STK3: variants seen among roughly 807,000 people sequenced by gnomAD.
STK3 encodes serine/threonine-protein kinase 3.
STK3 carries 41 observed loss-of-function variants against 58.0 expected under a neutral mutation model. That is an observed-to-expected ratio of 0.71 (90% CI 0.55 to 0.92). The LOEUF is 0.92. STK3 is among the 40% of genes least tolerant of loss of function. The probability of loss-of-function intolerance (pLI) is 0.00; values close to 1 mark genes in which losing one functional copy is unlikely to be tolerated. For synonymous variants in STK3, 170 were observed against 191.0 expected (o/e 0.89, Z 0.91); for missense variants, 479 against 602.7 (o/e 0.79, Z 2.15).
rs372834465 is a variant in STK3, at chr8:98,800,872, A to T, written c.26+24643T>A. Among the ~76,000 whole-genome samples the T allele has an allele frequency of 2.0e-5, 3 of 151,980 alleles. No individual in the cohort carries two copies. The highest frequency in any genetic ancestry group is 4.4e-5 in the Non-Finnish European group (3 of 67,950). Reference sequence around the variant, plus strand: ...AGCCCCCCATGCCAGAGCCCCCCCCACCAAGGTGGGCTCCCGTGCAGCCGG... The same window carrying T: ...AGCCCCCCATGCCAGAGCCCCCCCCTCCAAGGTGGGCTCCCGTGCAGCCGG... On this transcript the variant is annotated intron_variant, in intron 1 of 10. Transcript: ENST00000419617. The surrounding 1 kb of genome is among the most constrained non-coding windows in gnomAD (Gnocchi z 4.8).
chr8:98,825,529 C>T lies in STK3; in HGVS notation c.12G>A (p.Pro4=). MEQ[P]PAPKSKLKKL... ...CGATTCGTTACCTCTTAGGCGCCGG[C>T]GGCTGCTCCATGGCGGCCGGGGACA... Residue 4 remains proline, a synonymous_variant, in exon 1 of 11, where the codon CCG becomes CCA. Transcript: ENST00000419617. 11 of 1,456,308 alleles carry T rather than the reference C, an allele frequency of 7.6e-6. No individual in the cohort carries two copies. The highest frequency in any genetic ancestry group is 2.5e-5 in the Admixed American group (1 of 39,330). The allele number at this position is 1,456,308 out of a possible 1,614,324, so 90.2% of individuals were successfully genotyped here.
chr8:98,941,760 G>C (rs1486286689), intron 1 of STK3, among the ~76,000 whole-genome samples: 1 of 152,242 alleles, frequency 6.6e-6, no homozygotes, highest in Non-Finnish European at 1.5e-5. Flanking sequence ...CTCCCGGGGC[G>C]TAAACTTGCA....
the STK3 span, among the ~76,000 whole-genome samples, chr8:98,347,542 A>C: frequency 2.6e-5 from 4 of 151,782 alleles, no homozygotes; most frequent in African/African-American, 7.3e-5. Flanking sequence ...ACCAAAAAAA[A>C]CCACAGCGTA....
rs972897313 is a variant in STK3 at position 98,800,672 on chromosome 8, C to A, written c.26+24843G>T. The stretch of plus-strand genomic sequence containing the variant: ...GGGTGGGTGTGGGCTTGATGGGCCC[C>A]GCACTCAGAGTGGCCAGCTGATGCC... On this transcript the variant is annotated intron_variant, in intron 1 of 10. Transcript: ENST00000419617. This position sits in a 1 kb window ranked among gnomAD's most constrained non-coding sequence, Gnocchi z 4.8. 6.6e-6 allele frequency among the ~76,000 whole-genome samples: 1 copy of A among 152,192 alleles called. No homozygotes were observed. The highest frequency in any genetic ancestry group is 2.4e-5 in the African/African-American group (1 of 41,450).
At chr8:98,546,806 A>G (rs1025790064) in intron 9 of STK3, among the ~76,000 whole-genome samples, 8 of 152,148 alleles carry the variant, frequency 5.3e-5, no homozygotes, top group African/African-American at 1.9e-4. Context: ...TAGAAAATTC[A>G]TACTCCACCC....
downstream of STK3, among the ~76,000 whole-genome samples, chr8:98,366,812 C>A (rs1817569354): frequency 6.6e-6 from 1 of 152,178 alleles, no homozygotes; most frequent in South Asian, 2.1e-4. Flanking sequence ...CAGTTTTGCC[C>A]CACACACGTC....
chr8:98,760,080 G>C (rs1030579072), intron 3 of STK3, among the ~76,000 whole-genome samples: 6 of 151,480 alleles, frequency 4.0e-5, no homozygotes, highest in African/African-American at 1.5e-4. Flanking sequence ...CATGCAGTTA[G>C]CTGAATCTGT....
intron 6 of STK3, among the ~76,000 whole-genome samples, chr8:98,619,444 C>G (rs1277338402): frequency 2.0e-5 from 3 of 148,338 alleles, no homozygotes; most frequent in Non-Finnish European, 4.5e-5. Context: ...GCAATGGCAA[C>G]AAAAGCCAAA....
intron 1 of STK3, among the ~76,000 whole-genome samples, chr8:98,928,796 G>T (rs979971210): frequency 6.6e-6 from 1 of 152,100 alleles, no homozygotes; most frequent in Non-Finnish European, 1.5e-5. Flanking sequence ...TCCTCACTTG[G>T]AAATAATTCC....
intron 6 of STK3, among the ~76,000 whole-genome samples, chr8:98,691,056 A>G (rs991192610): frequency 1.3e-5 from 2 of 152,190 alleles, no homozygotes; most frequent in Admixed American, 6.5e-5. Flanking sequence ...TAGGAACTCT[A>G]AAAGGAAGGA....
chr8:98,598,598 T>C (rs1816030477), intron 6 of STK3: 1 of 985,416 alleles, frequency 1.0e-6, no homozygotes, highest in Non-Finnish European at 1.2e-6. Flanking sequence ...TAAGAATCTC[T>C]AGGTTTTATA....
chr8:98,657,017 C>T (rs1014694651), intron 6 of STK3, among the ~76,000 whole-genome samples: 2 of 151,898 alleles, frequency 1.3e-5, no homozygotes, highest in African/African-American at 4.8e-5. Flanking sequence ...AAACTCCCTG[C>T]CTTTAAAGAA....
chr8:98,708,887 A>C lies in STK3; in HGVS notation c.352-1576T>G, dbSNP rs113363707. Among the ~76,000 whole-genome samples the C allele has an allele frequency of 6.2e-4, 94 of 151,516 alleles. 1 individual carries two copies. The South Asian group carries it at 8.2e-3, about 13-fold the overall frequency. ...AATAAGCTCCTTTCAACCATACCAG[A>C]ATTTATACTGATCAGGTGACTCTTG... On this transcript the variant is annotated intron_variant, in intron 4 of 10. Coordinates refer to ENST00000419617, the MANE Select transcript of STK3 (RefSeq NM_006281.4).
At chr8:98,907,372 G>T (rs1309363958) in intron 1 of STK3, among the ~76,000 whole-genome samples, 1 of 151,974 alleles carries the variant, frequency 6.6e-6, no homozygotes, top group Admixed American at 6.6e-5. Flanking sequence ...AAATTAGCCA[G>T]GCGTGGTGGC....
At chr8:98,635,091 C>G (rs2130550617) in intron 6 of STK3, among the ~76,000 whole-genome samples, 1 of 151,948 alleles carries the variant, frequency 6.6e-6, no homozygotes, top group East Asian at 1.9e-4. Context: ...AGAGGCATAC[C>G]CTTCTATAAT....
intron 1 of STK3, among the ~76,000 whole-genome samples, chr8:98,796,855 G>A (rs1055085555): frequency 6.6e-6 from 1 of 152,148 alleles, no homozygotes; most frequent in South Asian, 2.1e-4. Context: ...ATGAAAAAAT[G>A]CTCAACATGA....
At chr8:98,713,457 C>T (rs930794043) in intron 4 of STK3, among the ~76,000 whole-genome samples, 1 of 152,148 alleles carries the variant, frequency 6.6e-6, no homozygotes, top group Non-Finnish European at 1.5e-5. Context: ...CACCACCGAT[C>T]CCATAGAAAT....
At chr8:98,587,315 T>C (rs1814722446) in intron 7 of STK3, among the ~76,000 whole-genome samples, 2 of 152,158 alleles carry the variant, frequency 1.3e-5, no homozygotes, top group Admixed American at 1.3e-4. Context: ...TCTCATTGGT[T>C]TCAAAGAACA....
chr8:98,938,292 G>A (rs1462367133), intron 1 of STK3, among the ~76,000 whole-genome samples: 1 of 152,206 alleles, frequency 6.6e-6, no homozygotes, highest in Non-Finnish European at 1.5e-5. Context: ...ATGGTCCAGT[G>A]GAGGCAGCTC....
Sources: gnomAD v4.1 joint callset for allele counts (sites outside exome capture counted in the v4.1 genomes callset) on GRCh38, gnomAD v4.1.1 for gene constraint, Gnocchi (gnomAD v3.1) non-coding constraint, MANE v1.5 for transcripts, NCBI Gene and HGNC (gene_info 2026-07-23, HGNC 2026-07-21) for gene names.